The following ENOX1 variants were observed in gnomAD, a reference collection of about 807,000 sequenced individuals.
ENOX1 encodes candidate growth-related and time keeping constitutive hydroquinone (NADH) oxidase.
A neutral mutation model predicts 82.5 loss-of-function variants in ENOX1; 42 were observed. The observed-to-expected ratio is 0.51, with a 90% confidence interval of 0.40 to 0.66. The LOEUF is 0.66. Ranked by LOEUF, ENOX1 falls within the 30% of genes least tolerant of loss-of-function variation. The pLI is 0.00. For synonymous variants in ENOX1, 271 were observed against 282.2 expected (o/e 0.96, Z 0.40); for missense variants, 608 against 811.6 (o/e 0.75, Z 3.05).
intron 2 of ENOX1, among the ~76,000 whole-genome samples, chr13:43,539,299 T>C (rs927122566): frequency 1.3e-5 from 2 of 152,236 alleles, no homozygotes; most frequent in East Asian, 1.9e-4. Context: ...TTTGAACATA[T>C]GCACTTAAGG....
intron 3 of ENOX1, among the ~76,000 whole-genome samples, chr13:43,481,298 G>A (rs1283838587): frequency 6.6e-6 from 1 of 152,054 alleles, no homozygotes; most frequent in Non-Finnish European, 1.5e-5. Flanking sequence ...GCATGGTACT[G>A]ACATAAAGGC....
At chr13:43,760,440 T>C (rs746589881) in intron 1 of ENOX1, among the ~76,000 whole-genome samples, 1 of 152,094 alleles carries the variant, frequency 6.6e-6, no homozygotes, top group Admixed American at 6.6e-5. Context: ...GGAACAGAAC[T>C]CCCACTGCAT....
At chr13:43,338,661 C>CA (rs1345844834) in intron 9 of ENOX1, among the ~76,000 whole-genome samples, 1 of 145,148 alleles carries the variant, frequency 6.9e-6, no homozygotes, top group Non-Finnish European at 1.5e-5. Flanking sequence ...CCATACTCCC[C>CA]AAAATTCAGG....
chr13:43,531,845 G>A (rs1425112449), intron 2 of ENOX1, among the ~76,000 whole-genome samples: 1 of 149,822 alleles, frequency 6.7e-6, no homozygotes, highest in East Asian at 2.0e-4. Context: ...AACACCGCAT[G>A]TTCTCACTCA....
chr13:43,263,958 C>T (rs1284315692), intron 14 of ENOX1, among the ~76,000 whole-genome samples: 1 of 152,194 alleles, frequency 6.6e-6, no homozygotes, highest in Non-Finnish European at 1.5e-5. Flanking sequence ...CTATGTCTCA[C>T]AACATTGCCT....
chr13:43,304,973 G>A (rs200400883), intron 11 of ENOX1, among the ~76,000 whole-genome samples: 1 of 1,262 alleles, frequency 7.9e-4, no homozygotes, highest in African/African-American at 8.4e-4. Context: ...ACTCCTCTGC[G>A]TTATGCTGAC....
At chr13:43,234,606 G>A (rs533455538) in intron 15 of ENOX1, among the ~76,000 whole-genome samples, 1 of 152,196 alleles carries the variant, frequency 6.6e-6, no homozygotes, top group African/African-American at 2.4e-5. Context: ...ATTTAGAATT[G>A]GTTGTATATG....
rs71202260 is a variant in ENOX1, at chr13:43,415,232, G to GTTTTTTTTTT, written c.-74-2254_-74-2245dup. ...CATCTCTTCAGTCTCCCAATCCAAT[G>GTTTTTTTTTT]TTTTTTTTTTTTTTTTTTTTTTTTT... is the stretch of plus-strand genomic sequence containing the variant. On this transcript the variant is annotated intron_variant, in intron 3 of 16. Transcript: ENST00000690772. 1.1e-4 allele frequency among the ~76,000 whole-genome samples: 6 copies of GTTTTTTTTTT among 54,642 alleles called. 1 individual carries two copies. The highest frequency in any genetic ancestry group is 2.2e-4 in the African/African-American group (3 of 13,500). 35.8% of individuals were successfully genotyped at this position (54,642 alleles called of 152,430 possible).
intron 2 of ENOX1, among the ~76,000 whole-genome samples, chr13:43,631,422 G>A (rs1001657807): frequency 6.6e-6 from 1 of 152,102 alleles, no homozygotes; most frequent in Non-Finnish European, 1.5e-5. Context: ...CAGTGGTGCG[G>A]CCAGGTAAGC....
At chr13:43,368,898 G>C (rs753878574) in intron 5 of ENOX1, among the ~76,000 whole-genome samples, 1 of 152,192 alleles carries the variant, frequency 6.6e-6, no homozygotes, top group Non-Finnish European at 1.5e-5. Flanking sequence ...AGCTAGTTAA[G>C]AGGAGAGCTG....
intron 5 of ENOX1, among the ~76,000 whole-genome samples, chr13:43,365,993 T>C (rs74529502): frequency 0.011 from 1,694 of 152,330 alleles, 34 homozygotes; most frequent in African/African-American, 0.038. Context: ...TGACCTATCA[T>C]CACTCTGCAG....
At chr13:43,481,882 A>T (rs949479080) in intron 3 of ENOX1, among the ~76,000 whole-genome samples, 2 of 152,224 alleles carry the variant, frequency 1.3e-5, no homozygotes, top group African/African-American at 4.8e-5. Flanking sequence ...AAGAAGACAT[A>T]CAAATGGTCA....
chr13:43,595,504 T>C (rs1273590330), intron 2 of ENOX1, among the ~76,000 whole-genome samples: 1 of 152,202 alleles, frequency 6.6e-6, no homozygotes, highest in East Asian at 1.9e-4. Context: ...TTGTTCTCCA[T>C]ACAGATTAAT....
intron 14 of ENOX1, among the ~76,000 whole-genome samples, chr13:43,263,790 C>A (rs2044216293): frequency 6.6e-6 from 1 of 152,228 alleles, no homozygotes. Flanking sequence ...GAACAGACAG[C>A]AGCTTCCCTG....
chr13:43,696,678 C>T (rs1262072210), intron 1 of ENOX1, among the ~76,000 whole-genome samples: 1 of 151,790 alleles, frequency 6.6e-6, no homozygotes, highest in Non-Finnish European at 1.5e-5. Flanking sequence ...TATGATATAG[C>T]AATAAACAAC....
At chr13:43,429,653 C>A (rs1167950454) in intron 3 of ENOX1, among the ~76,000 whole-genome samples, 2 of 152,080 alleles carry the variant, frequency 1.3e-5, no homozygotes, top group Non-Finnish European at 2.9e-5. Flanking sequence ...GCTGTTGGAG[C>A]CATGCTTGGG....
At chr13:43,290,798 G>A (rs1201784002) in intron 12 of ENOX1, among the ~76,000 whole-genome samples, 3 of 152,154 alleles carry the variant, frequency 2.0e-5, no homozygotes, top group South Asian at 2.1e-4. Context: ...AGGTTGAGGC[G>A]GGCAGATCAC....
At chr13:43,670,884 A>C (rs866809988) in intron 1 of ENOX1, among the ~76,000 whole-genome samples, 1 of 139,684 alleles carries the variant, frequency 7.2e-6, no homozygotes, top group Non-Finnish European at 1.5e-5. Context: ...ACAACAACAA[A>C]ACACCAGTAT....
intron 11 of ENOX1, among the ~76,000 whole-genome samples, chr13:43,314,442 T>C (rs1423203044): frequency 1.3e-5 from 2 of 152,364 alleles, no homozygotes; most frequent in African/African-American, 4.8e-5. Context: ...TCTGTGTTCA[T>C]GCAGTATCCC....
Sources: allele counts gnomAD v4.1 joint callset (sites outside exome capture counted in the v4.1 genomes callset), GRCh38; gene constraint gnomAD v4.1.1; transcripts MANE v1.5; gene names NCBI Gene and HGNC (gene_info 2026-07-23, HGNC 2026-07-21).